POLN: variants seen among roughly 807,000 people sequenced by gnomAD.
The protein encoded by POLN is DNA polymerase nu, also known as DNA polymerase N.
A neutral mutation model predicts 113.5 loss-of-function variants in POLN; 108 were observed. The observed-to-expected ratio is 0.95, with a 90% CI of 0.81 to 1.12. The LOEUF is 1.12. Among genes scored for constraint, POLN ranks in the 50% most tolerant of loss-of-function variants. The pLI, the probability that POLN is intolerant of heterozygous loss-of-function variation, is 0.00. For synonymous variants in POLN, 386 were observed against 391.5 expected, an observed-to-expected ratio of 0.99 and a Z score of 0.17; for missense variants, 1,097 against 1,077.1, an observed-to-expected ratio of 1.02 and a Z score of -0.26.
At chr4:2,119,766 C>T (rs1201966371) in intron 19 of POLN, among the ~76,000 whole-genome samples, 1 of 151,946 alleles carries the variant, frequency 6.6e-6, no homozygotes, top group African/African-American at 2.4e-5. Flanking sequence ...TATTCTAGTC[C>T]TCTGCTTGGA....
intron 16 of POLN, chr4:2,156,430 G>C: frequency 2.1e-6 from 1 of 472,950 alleles, no homozygotes; most frequent in Non-Finnish European, 4.2e-6. Context: ...CCAAAAAATG[G>C]AGCTGTTCAT....
intron 20 of POLN, chr4:2,090,542 C>A: frequency 2.1e-6 from 1 of 482,588 alleles, no homozygotes; most frequent in Non-Finnish European, 3.9e-6. Flanking sequence ...TCATCCTCTA[C>A]AGACTGGCCA....
intron 16 of POLN, among the ~76,000 whole-genome samples, chr4:2,155,959 C>G (rs1732412575): frequency 6.6e-6 from 1 of 152,034 alleles, no homozygotes; most frequent in Non-Finnish European, 1.5e-5. Flanking sequence ...CTCAGCCTCC[C>G]TAGTACCTGA....
intron 16 of POLN, among the ~76,000 whole-genome samples, chr4:2,144,205 C>T (rs1469949580): frequency 2.8e-4 from 39 of 141,142 alleles, no homozygotes; most frequent in African/African-American, 9.6e-4. Flanking sequence ...AGTGCAGTGG[C>T]GTGAACTCGG....
At chr4:2,115,412 T>A (rs1241360418) in intron 19 of POLN, among the ~76,000 whole-genome samples, 1 of 151,930 alleles carries the variant, frequency 6.6e-6, no homozygotes, top group Non-Finnish European at 1.5e-5. Flanking sequence ...TCTATTTGAT[T>A]CCCCTATGTA....
At chr4:2,184,076 A>T (rs1235516517) in intron 7 of POLN, among the ~76,000 whole-genome samples, 1 of 149,380 alleles carries the variant, frequency 6.7e-6, no homozygotes, top group Non-Finnish European at 1.5e-5. Flanking sequence ...CTGGTCTTGA[A>T]CTCCTGACCT....
intron 4 of POLN, among the ~76,000 whole-genome samples, chr4:2,209,799 C>T (rs903028667): frequency 6.7e-6 from 1 of 150,212 alleles, no homozygotes; most frequent in African/African-American, 2.4e-5. Flanking sequence ...GTAGCTGTGA[C>T]TACAGGGGTT....
intron 20 of POLN, chr4:2,089,933 A>G: frequency 2.0e-6 from 2 of 982,504 alleles, no homozygotes; most frequent in East Asian, 5.2e-5. Context: ...TCAGGAATTA[A>G]GTTAGCTAGT....
intron 16 of POLN, among the ~76,000 whole-genome samples, chr4:2,153,334 C>T (rs1732339274): frequency 6.6e-6 from 1 of 152,104 alleles, no homozygotes; most frequent in Non-Finnish European, 1.5e-5. Flanking sequence ...CATGGGCTAC[C>T]AAGAGCACTG....
chr4:2,177,293 CCTT>C (rs1733021435), intron 8 of POLN: 1 of 484,656 alleles, frequency 2.1e-6, no homozygotes, highest in Non-Finnish European at 4.1e-6. Context: ...AGCCATGCCT[CCTT>C]CTCCCCAGGT....
chr4:2,088,972 T>C (rs952545254), intron 20 of POLN: 3 of 909,334 alleles, frequency 3.3e-6, no homozygotes, highest in Non-Finnish European at 5.2e-6. Context: ...GAGAAAAAGG[T>C]GGTTTCCTAG....
At position 2,201,277 on chromosome 4, in the gene POLN, C is replaced by CAAAAAAAAAAAA. The variant is rs35399602; in HGVS notation, c.715-2572_715-2561dup. Among the ~76,000 whole-genome samples the CAAAAAAAAAAAA allele has an allele frequency of 1.5e-3, 23 of 15,834 alleles. 8 individuals are homozygous for CAAAAAAAAAAAA. The highest frequency in any genetic ancestry group is 8.2e-3 in the African/African-American group (17 of 2,076). The allele number at this position is 15,834 out of a possible 152,430, so 10.4% of individuals were successfully genotyped here. A position where few individuals can be genotyped will look rare whatever the true frequency, so the allele number is the denominator to read the frequency against. ...GTGAGACTCTGTCCCCCTACCACTC[C>CAAAAAAAAAAAA]AAAAAAAAAAAAAAAAAAAAAAAAA... is the stretch of plus-strand genomic sequence containing the variant. On this transcript the variant is annotated intron_variant, in intron 5 of 25. Coordinates refer to ENST00000511885, the MANE Select transcript of POLN (RefSeq NM_181808.4).
intron 4 of POLN, among the ~76,000 whole-genome samples, chr4:2,210,539 C>A (rs1327584132): frequency 6.7e-6 from 1 of 150,272 alleles, no homozygotes; most frequent in Non-Finnish European, 1.5e-5. Flanking sequence ...CGTGGTCACA[C>A]CACACTGCAC....
chr4:2,218,556 G>A (rs770810442), intron 3 of POLN, among the ~76,000 whole-genome samples: 2 of 152,132 alleles, frequency 1.3e-5, no homozygotes, highest in Non-Finnish European at 2.9e-5. Flanking sequence ...GAATATCTGT[G>A]TGCTTATCTC....
Position 2,080,949 on chromosome 4 carries a change from C to T in POLN, c.2387+9G>A, listed in dbSNP as rs753491572. 4 of 1,613,900 alleles carry T rather than the reference C, an allele frequency of 2.5e-6. No homozygotes were observed. Among genetic ancestry groups the T allele is most frequent in the Non-Finnish European group, 2.5e-6 (3 of 1,179,960 alleles). ...CCATCCAAGCCCTGGGAGACCACCACCCACTGACCTGGCCGTCAAGGTGTG... is the reference window on the plus strand; with the variant it reads ...CCATCCAAGCCCTGGGAGACCACCATCCACTGACCTGGCCGTCAAGGTGTG... On this transcript the variant is annotated intron_variant, in intron 23 of 25. Transcript: ENST00000511885.
chr4:2,225,914 T>C (rs1457063487), intron 3 of POLN, among the ~76,000 whole-genome samples: 4 of 151,854 alleles, frequency 2.6e-5, no homozygotes, highest in Admixed American at 6.6e-5. Flanking sequence ...GGTGGGAAGA[T>C]TGCTTGAACC....
chr4:2,190,823 T>C (rs1357583517), intron 7 of POLN, among the ~76,000 whole-genome samples: 2 of 152,136 alleles, frequency 1.3e-5, no homozygotes, highest in African/African-American at 4.8e-5. Context: ...CAATGAGATA[T>C]CATCTCACCC....
intron 16 of POLN, among the ~76,000 whole-genome samples, chr4:2,138,819 G>A (rs543699347): frequency 1.6e-4 from 25 of 152,056 alleles, no homozygotes; most frequent in African/African-American, 5.3e-4. Context: ...CTCTGAACCC[G>A]GGAGGCAGAG....
At chr4:2,137,702 C>T (rs888396738) in intron 16 of POLN, among the ~76,000 whole-genome samples, 3 of 152,200 alleles carry the variant, frequency 2.0e-5, no homozygotes, top group Non-Finnish European at 2.9e-5. Context: ...CCGAGGCTGG[C>T]AATCGTCCCC....
Sources: gnomAD v4.1 joint callset for allele counts (sites outside exome capture counted in the v4.1 genomes callset) on GRCh38, gnomAD v4.1.1 for gene constraint, MANE v1.5 for transcripts, NCBI Gene and HGNC (gene_info 2026-07-23, HGNC 2026-07-21) for gene names.